Variants in AHNAK observed in about 807,000 individuals in gnomAD.
The protein encoded by AHNAK is AHNAK nucleoprotein.
In AHNAK, 23 loss-of-function variants were observed where a neutral mutation model predicts 37.8. The observed-to-expected ratio is 0.61, with a 90% CI of 0.44 to 0.86. AHNAK has a LOEUF of 0.86. AHNAK is among the 40% of genes least tolerant of loss of function. The pLI, the probability that AHNAK is intolerant of heterozygous loss-of-function variation, is 0.00. For synonymous variants in AHNAK, 2,481 were observed against 2,636.3 expected (o/e 0.94, Z 1.80); for missense variants, 7,411 against 7,319.4 (o/e 1.01, Z -0.46).
intron 5 of AHNAK, among the ~76,000 whole-genome samples, chr11:62,480,803 TAAAA>T (rs1172126377): frequency 1.6e-4 from 7 of 44,490 alleles, no homozygotes; most frequent in African/African-American, 2.7e-4. Context: ...TGCGTGCAGT[TAAAA>T]AAAAAAAAAA....
exon 5 of AHNAK, chr11:62,491,822 G>C (rs761455486): frequency 6.2e-7 from 1 of 1,611,662 alleles, no homozygotes; most frequent in South Asian, 1.1e-5. Flanking sequence ...GCTGATGGCT[G>C]TGGTGTGTTC....
intron 4 of AHNAK, among the ~76,000 whole-genome samples, chr11:62,496,546 C>A (rs1165209917): frequency 6.6e-6 from 1 of 152,088 alleles, no homozygotes; most frequent in Non-Finnish European, 1.5e-5. Context: ...CCTGTAATCC[C>A]AGCACTTTGG....
intron 3 of AHNAK, 30 bp downstream of exon 3, chr11:62,535,915 G>A: frequency 6.3e-7 from 1 of 1,588,790 alleles, no homozygotes; most frequent in East Asian, 2.3e-5. Context: ...CCAACCACCA[G>A]CACCCAGTCC....
Position 62,532,518 on chromosome 11 carries a change from C to T in AHNAK, c.1899G>A (p.Met633Ile). ...EWNLKMPKMK[M>I]PTFSTPGAKG... ...TGGCTCCTGGAGTGCTGAACGTGGG[C>T]ATTTTCATCTTGGGCATTTTCAGGT... The change falls in exon 5 of 5, where the codon ATG becomes ATA. Residue 633 changes from methionine to isoleucine, a missense_variant. Coordinates refer to ENST00000378024, the MANE Select transcript of AHNAK (RefSeq NM_001620.3). The T allele has an allele frequency of 6.2e-7, 1 of 1,614,092 alleles. No homozygotes were observed. Among genetic ancestry groups the T allele is most frequent in the South Asian group, 1.1e-5 (1 of 91,076 alleles).
intron 5 of AHNAK, among the ~76,000 whole-genome samples, chr11:62,444,314 A>G: frequency 6.6e-6 from 1 of 151,970 alleles, no homozygotes; most frequent in East Asian, 1.9e-4. Flanking sequence ...ATCAAACACC[A>G]CCGGCCCTGT....
At chr11:62,465,844 G>A (rs1222169854) in intron 5 of AHNAK, among the ~76,000 whole-genome samples, 1 of 152,096 alleles carries the variant, frequency 6.6e-6, no homozygotes, top group Non-Finnish European at 1.5e-5. Flanking sequence ...AAGAGGCAAA[G>A]GAGGATTCTT....
intron 5 of AHNAK, among the ~76,000 whole-genome samples, chr11:62,469,077 A>T (rs563592109): frequency 6.6e-6 from 1 of 152,204 alleles, no homozygotes; most frequent in African/African-American, 2.4e-5. Context: ...TCTGCCTCCT[A>T]GCTTGGTGTG....
intron 4 of AHNAK, among the ~76,000 whole-genome samples, chr11:62,497,609 T>C (rs1939633764): frequency 6.6e-6 from 1 of 152,176 alleles, no homozygotes; most frequent in Non-Finnish European, 1.5e-5. Context: ...CTAGTGTGAA[T>C]CACTCACAAT....
In AHNAK at chr11:62,528,002, A is replaced by G; in HGVS notation, c.6415T>C (p.Leu2139=). The G allele has an allele frequency of 6.3e-7, 1 of 1,577,498 alleles. No individual in the cohort carries two copies. The highest frequency in any genetic ancestry group is 1.1e-5 in the South Asian group (1 of 89,812). ...GTTAAATCTCCCTCCAATTTTGGCA[A>G]AGACACATCCACATCCCCTTTGACT... ...PKVKGDVDVS[L]PKLEGDLTGP... Residue 2139 remains leucine, a synonymous_variant, in exon 5 of 5, where the codon TTG becomes CTG. Transcript: ENST00000378024.
chr11:62,495,577 A>C (rs1454093523), intron 4 of AHNAK, among the ~76,000 whole-genome samples: 1 of 109,174 alleles, frequency 9.2e-6, no homozygotes. Flanking sequence ...CTAAAAATAC[A>C]AAAAAAAAAA....
At position 62,527,639 on chromosome 11, in the gene AHNAK, C is replaced by A. The variant is rs1049992203; in HGVS notation, c.6778G>T (p.Gly2260Cys). The change falls in exon 5 of 5, where the codon GGC becomes TGC. Residue 2260 changes from glycine (G) to cysteine (C), a missense_variant. Physicochemically the swap from Gly to Cys is radical, Grantham distance 159. Coordinates refer to ENST00000378024, the MANE Select transcript of AHNAK (RefSeq NM_001620.3). ...KFSMPGFKGE[G>C]PEVDVNLPKA... ...GGCAAGTTCACATCCACTTCTGGGC[C>A]CTCTCCTTTGAAGCCAGGCATGCTG... 3 of 1,613,866 alleles carry A rather than the reference C, an allele frequency of 1.9e-6. No individual in the cohort carries two copies. In the African/African-American group the frequency reaches 4.0e-5, roughly 22 times the overall value.
chr11:62,444,219 G>A (rs1326439691), intron 5 of AHNAK, among the ~76,000 whole-genome samples: 1 of 151,452 alleles, frequency 6.6e-6, no homozygotes, highest in Non-Finnish European at 1.5e-5. Flanking sequence ...ATACTCATAA[G>A]TGAGCCTGGG....
In AHNAK at chr11:62,527,212, C is replaced by T. The variant is rs2134223116; in HGVS notation, c.7205G>A (p.Gly2402Glu). 2 of 1,612,472 alleles carry T rather than the reference C, an allele frequency of 1.2e-6. No individual in the cohort carries two copies. Among genetic ancestry groups the T allele is most frequent in the Non-Finnish European group, 8.5e-7 (1 of 1,179,394 alleles). ...TTTGGGAACATCTACATCCACCTCT[C>T]CTTTTGCCTTGGGGCTCTTCAAGTG... ...DLHLKSPKAK[G>E]EVDVDVPKLE... Residue 2402 changes from glycine (G) to glutamate (E), a missense_variant, in exon 5 of 5, where the codon GGA becomes GAA. Gly to Glu is a moderately conservative substitution (Grantham distance 98, BLOSUM62 -2). Coordinates refer to ENST00000378024, the MANE Select transcript of AHNAK (RefSeq NM_001620.3).
rs770447131 is a variant in AHNAK at position 62,530,807 on chromosome 11, A to T, written c.3610T>A (p.Leu1204Met). 1.2e-6 allele frequency: 2 copies of T among 1,607,518 alleles called. No individual in the cohort carries two copies. The highest frequency in any genetic ancestry group is 1.7e-6 in the Non-Finnish European group (2 of 1,177,926). Residue 1204 changes from leucine (L) to methionine (M), a missense_variant, in exon 5 of 5, where the codon TTG becomes ATG. Coordinates refer to ENST00000378024, the MANE Select transcript of AHNAK (RefSeq NM_001620.3). ...TCCCCTTTGACTTTGGGGCCTTTCA[A>T]GTGTAAGTCCACATCAGGCATGGAG... ...KISMPDVDLH[L>M]KGPKVKGDVD...
At chr11:62,465,037 T>C (rs1320820881) in intron 5 of AHNAK, among the ~76,000 whole-genome samples, 3 of 152,162 alleles carry the variant, frequency 2.0e-5, no homozygotes, top group Non-Finnish European at 4.4e-5. Context: ...TCACACTTGC[T>C]GTTCCTCCCG....
chr11:62,470,147 A>G (rs1939002812), intron 5 of AHNAK, among the ~76,000 whole-genome samples: 1 of 151,708 alleles, frequency 6.6e-6, no homozygotes, highest in African/African-American at 2.4e-5. Flanking sequence ...TACTAAAAAT[A>G]CAAAAATTAG....
At chr11:62,469,615 C>A (rs191610130) in intron 5 of AHNAK, among the ~76,000 whole-genome samples, 4 of 151,654 alleles carry the variant, frequency 2.6e-5, no homozygotes, top group African/African-American at 9.7e-5. Context: ...CAGGTATTTG[C>A]CACTACACCC....
In AHNAK at chr11:62,528,010, T is replaced by C; in HGVS notation, c.6407A>G (p.Asp2136Gly). 2 of 1,613,894 alleles carry C rather than the reference T, an allele frequency of 1.2e-6. No homozygotes were observed. The highest frequency in any genetic ancestry group is 1.7e-6 in the Non-Finnish European group (2 of 1,179,992). ...TCCCTCCAATTTTGGCAAAGACACATCCACATCCCCTTTGACTTTGGGGCC... is the reference window on the plus strand; with the variant it reads ...TCCCTCCAATTTTGGCAAAGACACACCCACATCCCCTTTGACTTTGGGGCC... Reference protein sequence around the residue: ...LKGPKVKGDVDVSLPKLEGDL... With the variant: ...LKGPKVKGDVGVSLPKLEGDL... Residue 2136 changes from aspartate to glycine, a missense_variant, in exon 5 of 5, where the codon GAT (aspartate) becomes GGT (glycine). Physicochemically the swap from Asp to Gly is moderately conservative, Grantham distance 94. Coordinates refer to ENST00000378024, the MANE Select transcript of AHNAK (RefSeq NM_001620.3).
Position 62,530,777 on chromosome 11 carries a change from C to T in AHNAK, c.3640G>A (p.Asp1214Asn), listed in dbSNP as rs1565242525. 1.2e-6 allele frequency: 2 copies of T among 1,613,758 alleles called. No homozygotes were observed. Among genetic ancestry groups the T allele is most frequent in the Non-Finnish European group, 1.7e-6 (2 of 1,179,976 alleles). Residue 1214 changes from aspartate to asparagine, a missense_variant, in exon 5 of 5, where the codon GAT becomes AAT. By Grantham distance (23) the Asp-to-Asn change is conservative. Transcript: ENST00000378024. Reference protein sequence around the residue: ...LKGPKVKGDVDVSVPKVEGEM... With the variant: ...LKGPKVKGDVNVSVPKVEGEM... Reference sequence around the variant, plus strand: ...CCTTCTACCTTGGGCACAGACACATCCACATCCCCTTTGACTTTGGGGCCT... The same window carrying T: ...CCTTCTACCTTGGGCACAGACACATTCACATCCCCTTTGACTTTGGGGCCT...
Sources: allele counts gnomAD v4.1 joint callset (sites outside exome capture counted in the v4.1 genomes callset), GRCh38; gene constraint gnomAD v4.1.1; transcripts MANE v1.5; gene names NCBI Gene and HGNC (gene_info 2026-07-23, HGNC 2026-07-21).